The following QRICH1 variants were observed in gnomAD, a reference collection of about 807,000 sequenced individuals.
QRICH1 encodes the protein transcriptional regulator QRICH1.
A neutral mutation model predicts 87.1 loss-of-function variants in QRICH1; 16 were observed. The observed-to-expected ratio is 0.18, with a 90% CI of 0.12 to 0.28. The LOEUF is 0.28. Ranked by LOEUF, QRICH1 falls within the 10% of genes least tolerant of loss-of-function variation. The probability of loss-of-function intolerance (pLI) is 1.00; values close to 1 mark genes in which losing one functional copy is unlikely to be tolerated. For missense variants in QRICH1, 647 were observed against 951.7 expected, an observed-to-expected ratio of 0.68 and a Z score of 4.21; for synonymous variants, 367 against 368.4, an observed-to-expected ratio of 1.00 and a Z score of 0.05.
intron 1 of QRICH1, among the ~76,000 whole-genome samples, chr3:49,086,478 C>T (rs1575385062): frequency 6.6e-6 from 1 of 151,970 alleles, no homozygotes; most frequent in South Asian, 2.1e-4. Context: ...AGGATGGTCT[C>T]GATCTCCTGA....
chr3:49,061,617 C>A (rs2093435502), intron 2 of QRICH1, among the ~76,000 whole-genome samples: 1 of 152,072 alleles, frequency 6.6e-6, no homozygotes, highest in Non-Finnish European at 1.5e-5. Flanking sequence ...CTGTGGGAGG[C>A]CAAGGTGGGT....
intron 3 of QRICH1, 148 bp from the exon 4 acceptor site, chr3:49,047,394 T>C: frequency 1.3e-6 from 1 of 776,848 alleles, no homozygotes; most frequent in Non-Finnish European, 2.0e-6. Flanking sequence ...AGCTTTGGAG[T>C]TCTACCTCTT....
chr3:49,091,257 G>C (rs867757055), intron 1 of QRICH1, among the ~76,000 whole-genome samples: 1 of 151,960 alleles, frequency 6.6e-6, no homozygotes, highest in African/African-American at 2.4e-5. Context: ...GAAAAGAACA[G>C]GTATTCATGT....
At chr3:49,077,777 A>G (rs1175261142) in intron 1 of QRICH1, among the ~76,000 whole-genome samples, 1 of 152,224 alleles carries the variant, frequency 6.6e-6, no homozygotes, top group Non-Finnish European at 1.5e-5. Context: ...TAAATAAGGC[A>G]TTTAGAAAAT....
At chr3:49,031,270 G>T (rs1436563649) in intron 9 of QRICH1, among the ~76,000 whole-genome samples, 1 of 152,152 alleles carries the variant, frequency 6.6e-6, no homozygotes, top group Non-Finnish European at 1.5e-5. Context: ...TTACAGGCGT[G>T]AGCCACGGTG....
intron 2 of QRICH1, among the ~76,000 whole-genome samples, chr3:49,072,525 C>G (rs1186729129): frequency 1.3e-5 from 2 of 150,032 alleles, no homozygotes; most frequent in Admixed American, 6.6e-5. Flanking sequence ...GACCCTGTCT[C>G]CATTACAAAA....
In QRICH1 at chr3:49,044,443, G is replaced by A. The variant is rs763576908; in HGVS notation, c.1733C>T (p.Thr578Met). 35 of 1,613,774 alleles carry A rather than the reference G, an allele frequency of 2.2e-5. No individual in the cohort carries two copies. The highest frequency in any genetic ancestry group is 2.9e-5 in the Non-Finnish European group (34 of 1,179,902). ...CTTCAGAACTTCATGTAGCCACTCC[G>A]TGAACCGAACATAATAAAGATCGGA... ...IFSDLYYVRF[T>M]EWLHEVLKDV... The change falls in exon 6 of 10, where the codon ACG becomes ATG. Residue 578 changes from threonine (T) to methionine (M), a missense_variant. Coordinates refer to ENST00000395443, the MANE Select transcript of QRICH1 (RefSeq NM_198880.3).
At chr3:49,036,007 G>A (rs962987997) in intron 6 of QRICH1, among the ~76,000 whole-genome samples, 9 of 151,926 alleles carry the variant, frequency 5.9e-5, no homozygotes, top group Admixed American at 5.9e-4. Context: ...GATTGCTTCA[G>A]CCCAGGAGGT....
At position 49,030,658 on chromosome 3, in the gene QRICH1, G is replaced by A. The variant is rs146677553; in HGVS notation, c.2139-14C>T. ...ACACTCTGGGGGCTGAAGAATATGC[G>A]GATAAAAGTTGGGTACCACCAATAT... On this transcript the variant is annotated splice_polypyrimidine_tract_variant and intron_variant, in intron 9 of 9. Coordinates refer to ENST00000395443, the MANE Select transcript of QRICH1 (RefSeq NM_198880.3). 6.3e-4 allele frequency: 961 copies of A among 1,535,546 alleles called. 4 individuals carry two copies. The Admixed American group carries it at 0.015, about 23-fold the overall frequency.
intron 1 of QRICH1, chr3:49,083,324 G>A (rs1195754373): frequency 6.6e-6 from 1 of 151,480 alleles, no homozygotes; most frequent in African/African-American, 2.4e-5. Context: ...CTGGGCTATA[G>A]TGCTCTATGC....
chr3:49,044,338 T>C (rs2093327574), intron 6 of QRICH1, 52 bp downstream of exon 6: 1 of 1,385,514 alleles, frequency 7.2e-7, no homozygotes, highest in Non-Finnish European at 1.0e-6. Context: ...AAGCTATTGA[T>C]CTTTCTTAAA....
intron 1 of QRICH1, among the ~76,000 whole-genome samples, chr3:49,091,021 G>A (rs1405737307): frequency 6.6e-6 from 1 of 152,146 alleles, no homozygotes; most frequent in African/African-American, 2.4e-5. Context: ...AGGAGATTGA[G>A]ACCATCCTGG....
At chr3:49,069,107 A>ATTTTTT (rs57230454) in intron 2 of QRICH1, among the ~76,000 whole-genome samples, 4 of 124,042 alleles carry the variant, frequency 3.2e-5, no homozygotes, top group South Asian at 2.6e-4. Flanking sequence ...TATTATTATT[A>ATTTTTT]TTTTTTTTTT....
intron 6 of QRICH1, among the ~76,000 whole-genome samples, chr3:49,043,417 A>C (rs1370141846): frequency 7.1e-6 from 1 of 140,326 alleles, no homozygotes; most frequent in Non-Finnish European, 1.5e-5. Flanking sequence ...AATCACTTGA[A>C]TCTGGGAGGT....
chr3:49,080,506 TA>T (rs980247390), intron 1 of QRICH1, among the ~76,000 whole-genome samples: 4 of 150,274 alleles, frequency 2.7e-5, no homozygotes, highest in African/African-American at 4.9e-5. Flanking sequence ...AAAAATAATT[TA>T]AAAAAAAACA....
chr3:49,036,621 T>C (rs1386374218), intron 6 of QRICH1, among the ~76,000 whole-genome samples: 1 of 151,470 alleles, frequency 6.6e-6, no homozygotes, highest in African/African-American at 2.4e-5. Context: ...AAACCTTAAT[T>C]GGACATCACT....
intron 3 of QRICH1, among the ~76,000 whole-genome samples, chr3:49,047,773 G>A (rs1483341223): frequency 6.6e-6 from 1 of 151,918 alleles, no homozygotes; most frequent in East Asian, 1.9e-4. Flanking sequence ...GTGAACCACT[G>A]TGCCCGGTCA....
intron 1 of QRICH1, chr3:49,092,173 T>C (rs1193052996): frequency 6.6e-6 from 1 of 152,174 alleles, no homozygotes; most frequent in African/African-American, 2.4e-5. Context: ...CTGCAAACGC[T>C]TAAATCTGCG....
chr3:49,038,791 T>C (rs1036858283), intron 6 of QRICH1, among the ~76,000 whole-genome samples: 7 of 151,530 alleles, frequency 4.6e-5, no homozygotes, highest in Non-Finnish European at 7.4e-5. Context: ...CTTTGGGAGG[T>C]TGAGGCAGGT....
Sources: gnomAD v4.1 joint callset for allele counts (sites outside exome capture counted in the v4.1 genomes callset) on GRCh38, gnomAD v4.1.1 for gene constraint, MANE v1.5 for transcripts, NCBI Gene and HGNC (gene_info 2026-07-23, HGNC 2026-07-21) for gene names.